MYOCOS: variants seen among roughly 807,000 people sequenced by gnomAD.
MYOCOS encodes myocilin opposite strand protein.
intron 1 of MYOCOS, among the ~76,000 whole-genome samples, chr1:171,607,687 G>T (rs964249427): frequency 1.3e-5 from 2 of 152,184 alleles, no homozygotes; most frequent in African/African-American, 4.8e-5. Context: ...GTAGGTCTCT[G>T]GTAGTTCTTA....
At chr1:171,619,309 T>G (rs1652511796), upstream of MYOCOS, among the ~76,000 whole-genome samples, 2 of 152,320 alleles carry the variant, frequency 1.3e-5, no homozygotes, top group South Asian at 4.1e-4. Context: ...CTTCTCCTTG[T>G]ATGAAATGTA....
chr1:171,601,366 C>T lies in MYOCOS; in HGVS notation c.-252+286C>T, dbSNP rs994206607. Among the ~76,000 whole-genome samples the T allele has an allele frequency of 4.6e-5, 7 of 151,854 alleles. No individual in the cohort carries two copies. In the South Asian group the frequency reaches 8.3e-4, roughly 18 times the overall value. On this transcript the variant is annotated intron_variant, in intron 1 of 3. Coordinates refer to the MYOCOS transcript ENST00000636697. ...GACTTGGCTTGAATTTTTTGGTACA[C>T]GGATTTTGAATTTCGTGATTTTGGT... is the stretch of plus-strand genomic sequence containing the variant.
At chr1:171,619,508 C>T (rs1652514943), upstream of MYOCOS, among the ~76,000 whole-genome samples, 1 of 152,082 alleles carries the variant, frequency 6.6e-6, no homozygotes, top group African/African-American at 2.4e-5. Flanking sequence ...TTTCAAAAGC[C>T]ATTGAACTAA....
chr1:171,608,166 T>C (rs909985014), intron 1 of MYOCOS, among the ~76,000 whole-genome samples: 11 of 152,188 alleles, frequency 7.2e-5, no homozygotes, highest in Non-Finnish European at 1.6e-4. Context: ...GAGATTTGGG[T>C]GGGGACACGG....
At chr1:171,605,578 G>A (rs1652229673) in intron 1 of MYOCOS, among the ~76,000 whole-genome samples, 1 of 152,076 alleles carries the variant, frequency 6.6e-6, no homozygotes, top group Non-Finnish European at 1.5e-5. Flanking sequence ...TCAGTGGACA[G>A]GTAGCTGCGT....
At chr1:171,621,415 A>G (rs1331425949), upstream of MYOCOS, among the ~76,000 whole-genome samples, 11 of 126,612 alleles carry the variant, frequency 8.7e-5, no homozygotes, top group Admixed American at 3.8e-4. Context: ...TCACTCTGTC[A>G]ACCAGGCTAG....
intron 1 of MYOCOS, among the ~76,000 whole-genome samples, chr1:171,610,996 T>C (rs762354293): frequency 2.6e-5 from 4 of 152,244 alleles, no homozygotes; most frequent in Non-Finnish European, 5.9e-5. Flanking sequence ...CCATTTACCA[T>C]CATTCATGAG....
upstream of MYOCOS, among the ~76,000 whole-genome samples, chr1:171,620,772 TC>T (rs1302168880): frequency 0.03 from 3,125 of 105,842 alleles, 132 homozygotes; most frequent in African/African-American, 0.11. Flanking sequence ...TCTTTTTCTT[TC>T]TTTTTTTTTT....
At chr1:171,615,885 T>G (rs1652439144) in intron 2 of MYOCOS, among the ~76,000 whole-genome samples, 1 of 152,188 alleles carries the variant, frequency 6.6e-6, no homozygotes, top group South Asian at 2.1e-4. Flanking sequence ...AGGTTTTGTC[T>G]GTGGCTCGTC....
chr1:171,623,249 C>T (rs187648944), intron 1 of MYOCOS, among the ~76,000 whole-genome samples: 98 of 152,058 alleles, frequency 6.4e-4, no homozygotes, highest in African/African-American at 1.8e-3. Flanking sequence ...CCAAGGTGAC[C>T]GGCAGTAAAT....
At chr1:171,624,746 C>T (rs1282424407) in intron 2 of MYOCOS, among the ~76,000 whole-genome samples, 1 of 151,948 alleles carries the variant, frequency 6.6e-6, no homozygotes, top group Non-Finnish European at 1.5e-5. Flanking sequence ...TGTGCCCGGC[C>T]AGTTTTTTTG....
intron 2 of MYOCOS, among the ~76,000 whole-genome samples, chr1:171,624,191 A>T (rs1652642459): frequency 6.6e-6 from 1 of 152,132 alleles, no homozygotes; most frequent in Admixed American, 6.5e-5. Context: ...GATGACACCC[A>T]TTTGTGTATG....
At chr1:171,613,853 CT>C (rs1215694352) in intron 1 of MYOCOS, among the ~76,000 whole-genome samples, 1 of 150,834 alleles carries the variant, frequency 6.6e-6, no homozygotes, top group African/African-American at 2.5e-5. Flanking sequence ...TTATCCTCAG[CT>C]TTTACTGCCC....
upstream of MYOCOS, among the ~76,000 whole-genome samples, chr1:171,621,535 C>G (rs1280904575): frequency 6.6e-6 from 1 of 152,008 alleles, no homozygotes; most frequent in Non-Finnish European, 1.5e-5. Context: ...GCCACCACGC[C>G]TGGCTAATTT....
chr1:171,612,975 G>C (rs1400879137), intron 1 of MYOCOS, among the ~76,000 whole-genome samples: 1 of 152,202 alleles, frequency 6.6e-6, no homozygotes, highest in Non-Finnish European at 1.5e-5. Context: ...CTGTGAGTTA[G>C]AGCTGGGCCA....
At chr1:171,617,985 AATGTGGAATTCTCTT>A (rs1652481262), upstream of MYOCOS, among the ~76,000 whole-genome samples, 1 of 152,154 alleles carries the variant, frequency 6.6e-6, no homozygotes, top group South Asian at 2.1e-4. Context: ...AGGTGTGGTG[AATGTGGAATTCTCTT>A]ATGATTGCTT....
chr1:171,620,830 G>GGC (rs1237324720), upstream of MYOCOS, among the ~76,000 whole-genome samples: 1 of 142,596 alleles, frequency 7.0e-6, no homozygotes, highest in Non-Finnish European at 1.5e-5. Context: ...GGAGTGCAGT[G>GGC]GCGATCTTGG....
At chr1:171,620,164 G>A (rs150586752), upstream of MYOCOS, among the ~76,000 whole-genome samples, 1 of 150,552 alleles carries the variant, frequency 6.6e-6, no homozygotes, top group East Asian at 1.9e-4. Flanking sequence ...AGGAGGACAG[G>A]GCTTACCTTC....
chr1:171,611,015 T>G (rs1380450528), intron 1 of MYOCOS, among the ~76,000 whole-genome samples: 1 of 152,254 alleles, frequency 6.6e-6, no homozygotes, highest in Non-Finnish European at 1.5e-5. Flanking sequence ...AGTTTGTATG[T>G]ATTCTTCTCT....
Sources: allele counts gnomAD v4.1 joint callset (sites outside exome capture counted in the v4.1 genomes callset), GRCh38; gene constraint gnomAD v4.1.1; transcripts MANE v1.5; gene names NCBI Gene and HGNC (gene_info 2026-07-23, HGNC 2026-07-21).